CHN1: variants seen among roughly 807,000 people sequenced by gnomAD.
CHN1 encodes the protein chimerin 1.
A neutral mutation model predicts 59.5 loss-of-function variants in CHN1; 37 were observed. The ratio of observed to expected loss-of-function variants is 0.62; its 90% CI spans 0.48 to 0.82. The LOEUF is 0.82. CHN1 is among the 40% of genes least tolerant of loss of function. CHN1 has a pLI of 0.00. For synonymous variants in CHN1, 206 were observed against 200.4 expected, an observed-to-expected ratio of 1.03 and a Z score of -0.24; for missense variants, 469 against 571.0, an observed-to-expected ratio of 0.82 and a Z score of 1.82.
intron 5 of CHN1, among the ~76,000 whole-genome samples, chr2:174,884,977 A>C (rs556064111): frequency 5.9e-5 from 9 of 152,274 alleles, no homozygotes; most frequent in Non-Finnish European, 1.3e-4. Flanking sequence ...TGTAACAATA[A>C]AAAGAATTTT....
At chr2:174,820,137 A>G (rs947362810) in intron 8 of CHN1, among the ~76,000 whole-genome samples, 1 of 152,108 alleles carries the variant, frequency 6.6e-6, no homozygotes, top group African/African-American at 2.4e-5. Context: ...ATACGTGTGC[A>G]TGTGTCTTTA....
At chr2:174,877,514 T>C (rs1473873430) in intron 6 of CHN1, among the ~76,000 whole-genome samples, 5 of 152,134 alleles carry the variant, frequency 3.3e-5, no homozygotes, top group Admixed American at 2.0e-4. Context: ...ACTTACGTAA[T>C]AGTAGCTATC....
intron 1 of CHN1, among the ~76,000 whole-genome samples, chr2:174,987,353 A>G (rs1691382547): frequency 6.6e-6 from 1 of 152,032 alleles, no homozygotes; most frequent in Non-Finnish European, 1.5e-5. Context: ...GCACTGCCAT[A>G]TACATAGAAA....
chr2:174,879,737 A>G (rs1278935901), intron 5 of CHN1, among the ~76,000 whole-genome samples: 1 of 152,154 alleles, frequency 6.6e-6, no homozygotes, highest in Non-Finnish European at 1.5e-5. Context: ...GTCCCTTTAT[A>G]TTTCGGTTGT....
intron 7 of CHN1, among the ~76,000 whole-genome samples, chr2:174,832,511 C>A (rs1558943303): frequency 6.6e-6 from 1 of 151,812 alleles, no homozygotes; most frequent in Non-Finnish European, 1.5e-5. Flanking sequence ...TTTTATTTTT[C>A]TTTTCAATCA....
intron 7 of CHN1, among the ~76,000 whole-genome samples, chr2:174,832,468 C>T (rs966040701): frequency 6.6e-6 from 1 of 151,928 alleles, no homozygotes. Flanking sequence ...CTGATAAGTA[C>T]TACTTTAGCC....
At chr2:174,925,803 T>C (rs1689150834) in intron 3 of CHN1, among the ~76,000 whole-genome samples, 1 of 152,270 alleles carries the variant, frequency 6.6e-6, no homozygotes, top group Non-Finnish European at 1.5e-5. Context: ...TGTTCTTCCA[T>C]GTATGGATTT....
intron 6 of CHN1, 56 bp from the exon 7 acceptor site, chr2:174,847,013 G>A (rs1177056150): frequency 6.4e-7 from 1 of 1,551,470 alleles, no homozygotes; most frequent in African/African-American, 1.4e-5. Flanking sequence ...CGACTTTGGA[G>A]AACCCAGTTT....
intron 6 of CHN1, among the ~76,000 whole-genome samples, chr2:174,851,842 A>C (rs879668885): frequency 6.6e-6 from 1 of 152,140 alleles, no homozygotes; most frequent in Non-Finnish European, 1.5e-5. Context: ...TTCTATACTT[A>C]GGAAACCTTA....
chr2:175,002,083 T>C (rs2105475884), intron 1 of CHN1, among the ~76,000 whole-genome samples: 1 of 152,350 alleles, frequency 6.6e-6, no homozygotes, highest in East Asian at 1.9e-4. Context: ...TAGAGGACCA[T>C]GTCTCTTGTA....
At chr2:174,844,294 G>A (rs776566094) in intron 7 of CHN1, among the ~76,000 whole-genome samples, 4 of 151,790 alleles carry the variant, frequency 2.6e-5, no homozygotes, top group South Asian at 2.1e-4. Context: ...AAAAACAAAC[G>A]CCTGTCTGTA....
intron 5 of CHN1, among the ~76,000 whole-genome samples, chr2:174,883,161 T>G (rs971228110): frequency 6.6e-6 from 1 of 152,202 alleles, no homozygotes; most frequent in Admixed American, 6.5e-5. Context: ...AGAACTGATA[T>G]AGAAGGATTA....
chr2:174,885,124 A>G (rs890082839), intron 5 of CHN1, among the ~76,000 whole-genome samples: 4 of 130,810 alleles, frequency 3.1e-5, no homozygotes, highest in African/African-American at 1.3e-4. Context: ...CATCTCTACT[A>G]AAAAAAAAAA....
chr2:174,842,080 C>T (rs1275762315), intron 7 of CHN1, among the ~76,000 whole-genome samples: 1 of 152,104 alleles, frequency 6.6e-6, no homozygotes, highest in African/African-American at 2.4e-5. Flanking sequence ...TGTTAATTTC[C>T]TGCTGTCATG....
chr2:174,838,878 T>G (rs7569607), intron 7 of CHN1, among the ~76,000 whole-genome samples: 80,803 of 151,542 alleles, frequency 0.53, 22,414 homozygotes, highest in African/African-American at 0.66. Flanking sequence ...TGGTGTGTGT[T>G]TGGTGGTGGG....
intron 6 of CHN1, 67 bp downstream of exon 6, chr2:174,877,773 G>A (rs576785577): frequency 3.5e-6 from 5 of 1,416,112 alleles, no homozygotes; most frequent in South Asian, 2.8e-5. Flanking sequence ...ATCTCTTCTG[G>A]CAATAATGGC....
chr2:175,005,337 C>T lies in CHN1; in HGVS notation c.-425G>A, dbSNP rs1574266443. 8.6e-7 allele frequency: 1 copy of T among 1,162,102 alleles called. No individual in the cohort carries two copies. Among genetic ancestry groups the T allele is most frequent in the Non-Finnish European group, 1.1e-6 (1 of 925,156 alleles). The allele number at this position is 1,162,102 out of a possible 1,614,324, so 72.0% of individuals were successfully genotyped here. A position where few individuals can be genotyped will look rare whatever the true frequency, so the allele number is the denominator to read the frequency against. ...CCCCCGGCGGGGCGCGCTCACTCCG[C>T]ATCCCGCGGCCTCGCAGACGCCATC... On this transcript the variant is annotated 5_prime_UTR_variant, in exon 1 of 13. It removes an upstream start codon present in the reference 5' UTR. Coordinates refer to ENST00000409900, the MANE Select transcript of CHN1 (RefSeq NM_001822.7).
chr2:174,952,235 A>T, intron 1 of CHN1, 33 bp from the exon 2 acceptor site: 2 of 1,215,832 alleles, frequency 1.6e-6, no homozygotes, highest in South Asian at 3.3e-5. Flanking sequence ...AACATTACTG[A>T]ATATTTAAAT....
chr2:174,811,298 A>G (rs1352892125), intron 10 of CHN1: 8 of 474,866 alleles, frequency 1.7e-5, no homozygotes, highest in African/African-American at 1.6e-4. Context: ...TTGGTAACAT[A>G]GTTTAATTTT....
Sources: allele counts gnomAD v4.1 joint callset (sites outside exome capture counted in the v4.1 genomes callset), GRCh38; gene constraint gnomAD v4.1.1; transcripts MANE v1.5; gene names NCBI Gene and HGNC (gene_info 2026-07-23, HGNC 2026-07-21).